Variants in TRPM3 observed in about 807,000 individuals in gnomAD.
TRPM3 encodes the protein transient receptor potential cation channel subfamily M member 3.
In TRPM3, 77 loss-of-function variants were observed where a neutral mutation model predicts 181.2. That is an observed-to-expected ratio of 0.42 (90% confidence interval 0.35 to 0.51). The LOEUF is 0.51. TRPM3 is among the 20% of genes least tolerant of loss of function. The probability of loss-of-function intolerance (pLI) is 0.01; values close to 1 mark genes in which losing one functional copy is unlikely to be tolerated. For synonymous variants in TRPM3, 745 were observed against 796.4 expected (o/e 0.94, Z 1.09); for missense variants, 1,759 against 2,196.7 (o/e 0.80, Z 3.98).
At chr9:70,974,539 AAAAC>A (rs74510700) in intron 1 of TRPM3, among the ~76,000 whole-genome samples, 83,186 of 148,986 alleles carry the variant, frequency 0.56, 23,513 homozygotes, top group East Asian at 0.81. Flanking sequence ...ACTCCGTCTC[AAAAC>A]AAACAAACAA....
intron 1 of TRPM3, among the ~76,000 whole-genome samples, chr9:71,244,935 T>C (rs963674159): frequency 7.2e-5 from 11 of 152,104 alleles, no homozygotes; most frequent in African/African-American, 1.4e-4. Context: ...AGAATCCAGA[T>C]GGTATTCAAA....
At chr9:71,047,990 C>T (rs549190596) in intron 1 of TRPM3, among the ~76,000 whole-genome samples, 20 of 152,122 alleles carry the variant, frequency 1.3e-4, no homozygotes, top group South Asian at 4.1e-4. Flanking sequence ...GTTCAATAAA[C>T]GAATGAATGT....
intron 1 of TRPM3, among the ~76,000 whole-genome samples, chr9:71,203,943 C>G (rs1397162768): frequency 6.6e-6 from 1 of 151,862 alleles, no homozygotes; most frequent in Non-Finnish European, 1.5e-5. Flanking sequence ...ACAAACCTGA[C>G]AAAAAGAAGA....
intron 1 of TRPM3, among the ~76,000 whole-genome samples, chr9:71,163,884 G>A (rs908988453): frequency 2.0e-5 from 3 of 152,140 alleles, no homozygotes; most frequent in South Asian, 2.1e-4. Flanking sequence ...AAAGAAAAAA[G>A]TATCAGAATT....
chr9:70,617,986 A>T (rs1343057130), intron 17 of TRPM3, among the ~76,000 whole-genome samples: 1 of 152,158 alleles, frequency 6.6e-6, no homozygotes, highest in East Asian at 1.9e-4. Flanking sequence ...AAAACAAAAC[A>T]AAAACCAAAA....
chr9:71,249,649 T>C lies in TRPM3; in HGVS notation c.183+197004A>G. On this transcript the variant is annotated intron_variant, in intron 1 of 24. Transcript: ENST00000357533. ...TAAAGATAAAAAGGGAAAAAAATTA[T>C]TCTGCTGCAAAATACAACTAAAACA... 1.3e-5 allele frequency among the ~76,000 whole-genome samples: 2 copies of C among 152,220 alleles called. 1 individual carries two copies.
At chr9:71,360,578 T>G (rs1474610260) in intron 1 of TRPM3, among the ~76,000 whole-genome samples, 1 of 152,190 alleles carries the variant, frequency 6.6e-6, no homozygotes, top group Admixed American at 6.5e-5. Context: ...GTCTAAATAT[T>G]AAGCATATAA....
chr9:71,276,352 G>A (rs2084214005), intron 1 of TRPM3, among the ~76,000 whole-genome samples: 1 of 152,032 alleles, frequency 6.6e-6, no homozygotes, highest in Non-Finnish European at 1.5e-5. Flanking sequence ...GATTATGAAG[G>A]GAAAGATTGT....
At chr9:71,226,003 A>G (rs1215639236) in intron 1 of TRPM3, among the ~76,000 whole-genome samples, 1 of 141,486 alleles carries the variant, frequency 7.1e-6, no homozygotes, top group Non-Finnish European at 1.5e-5. Flanking sequence ...TAGAAACAAC[A>G]AAAGGTAAAA....
intron 1 of TRPM3, among the ~76,000 whole-genome samples, chr9:70,928,288 A>G (rs887676349): frequency 2.4e-4 from 37 of 152,224 alleles, no homozygotes; most frequent in Non-Finnish European, 1.8e-4. Context: ...GCATTCTATT[A>G]CAGGCATTTA....
At chr9:71,220,388 T>G (rs925280675) in intron 1 of TRPM3, among the ~76,000 whole-genome samples, 12 of 139,848 alleles carry the variant, frequency 8.6e-5, no homozygotes, top group Admixed American at 2.2e-4. Context: ...TTATTATTAT[T>G]ATGATCTGCT....
At chr9:71,199,022 C>T (rs2078593281) in intron 1 of TRPM3, among the ~76,000 whole-genome samples, 1 of 145,174 alleles carries the variant, frequency 6.9e-6, no homozygotes, top group African/African-American at 2.5e-5. Context: ...TCATAGATAG[C>T]TCTTATTATT....
chr9:71,094,956 C>T (rs997188735), intron 1 of TRPM3, among the ~76,000 whole-genome samples: 1 of 152,124 alleles, frequency 6.6e-6, no homozygotes, highest in Non-Finnish European at 1.5e-5. Context: ...TAAGGCTCTC[C>T]AGTTTTGAAA....
At position 70,849,065 on chromosome 9, in the gene TRPM3, T is replaced by C. The variant is rs530129263; in HGVS notation, c.463-2474A>G. Among the ~76,000 whole-genome samples the C allele has an allele frequency of 6.8e-4, 103 of 152,012 alleles. 1 individual carries two copies. The highest frequency in any genetic ancestry group is 1.4e-3 in the South Asian group (7 of 4,828). On this transcript the variant is annotated intron_variant, in intron 3 of 25. Transcript: ENST00000677713. ...ACTATCTTTTAAAAATGAGAGCAGA[T>C]TATAGATATTTTCATACTGCCAAAA... is the stretch of plus-strand genomic sequence containing the variant.
chr9:71,003,258 C>T (rs950100908), intron 1 of TRPM3, among the ~76,000 whole-genome samples: 3 of 149,860 alleles, frequency 2.0e-5, no homozygotes, highest in Non-Finnish European at 4.4e-5. Flanking sequence ...GTTCAAGGAT[C>T]TTTTCCCCAT....
chr9:71,277,791 T>C lies in TRPM3; in HGVS notation c.183+168862A>G, dbSNP rs1393949165. On this transcript the variant is annotated intron_variant, in intron 1 of 24. Transcript: ENST00000357533. ...AAGGAGAAAACACTAACAGGAAAAA[T>C]GCTTCAGCAATGTGTAATCCACATA... 2.0e-5 allele frequency among the ~76,000 whole-genome samples: 3 copies of C among 152,150 alleles called. No individual in the cohort carries two copies. In the South Asian group the frequency reaches 6.2e-4, roughly 32 times the overall value.
At chr9:70,666,397 T>A (rs1374163182) in intron 9 of TRPM3, among the ~76,000 whole-genome samples, 1 of 152,196 alleles carries the variant, frequency 6.6e-6, no homozygotes, top group East Asian at 1.9e-4. Flanking sequence ...TCCTCTTTCA[T>A]TTTGGTAGAG....
At chr9:70,906,947 A>G (rs2096474896) in intron 1 of TRPM3, among the ~76,000 whole-genome samples, 1 of 152,162 alleles carries the variant, frequency 6.6e-6, no homozygotes, top group Admixed American at 6.5e-5. Flanking sequence ...GATGCAGAAC[A>G]AGAAAGGTGG....
chr9:71,120,386 A>T (rs2073360179), intron 1 of TRPM3, among the ~76,000 whole-genome samples: 1 of 152,182 alleles, frequency 6.6e-6, no homozygotes, highest in African/African-American at 2.4e-5. Flanking sequence ...TCCCCCCTAC[A>T]AGAAAGATCA....
Sources: gnomAD v4.1 joint callset for allele counts (sites outside exome capture counted in the v4.1 genomes callset) on GRCh38, gnomAD v4.1.1 for gene constraint, MANE v1.5 for transcripts, NCBI Gene and HGNC (gene_info 2026-07-23, HGNC 2026-07-21) for gene names.